NAALADL2: variants seen among roughly 807,000 people sequenced by gnomAD.
NAALADL2 encodes the protein N-acetylated alpha-linked acidic dipeptidase like 2, also known as inactive N-acetylated-alpha-linked acidic dipeptidase-like protein 2.
In NAALADL2, 76 loss-of-function variants were observed where a neutral mutation model predicts 87.2. The observed-to-expected ratio is 0.87, with a 90% CI of 0.72 to 1.05. The LOEUF (loss-of-function observed/expected upper bound fraction) is 1.05. Among genes scored for constraint, NAALADL2 ranks in the 50% least tolerant of loss-of-function variants. The pLI is 0.00. For missense variants in NAALADL2, 1,089 were observed against 945.8 expected (o/e 1.15, Z -1.99); for synonymous variants, 354 against 331.0 (o/e 1.07, Z -0.75).
intron 5 of NAALADL2, among the ~76,000 whole-genome samples, chr3:175,374,156 A>G (rs1414835580): frequency 6.6e-6 from 1 of 152,092 alleles, no homozygotes; most frequent in Non-Finnish European, 1.5e-5. Flanking sequence ...TAAAAGATAA[A>G]TTTATTTATT....
intron 5 of NAALADL2, among the ~76,000 whole-genome samples, chr3:175,371,792 C>T (rs1420518953): frequency 1.3e-5 from 2 of 151,368 alleles, no homozygotes; most frequent in Non-Finnish European, 2.9e-5. Context: ...CCACTGCCCT[C>T]CAGCCTGGAC....
At chr3:174,873,420 A>G (rs1037016166) in intron 1 of NAALADL2, among the ~76,000 whole-genome samples, 37 of 151,832 alleles carry the variant, frequency 2.4e-4, no homozygotes, top group African/African-American at 8.0e-4. Context: ...ATGCCCAGCT[A>G]TGTTTTATAT....
At chr3:175,728,130 G>C (rs1743184037) in intron 11 of NAALADL2, among the ~76,000 whole-genome samples, 1 of 152,006 alleles carries the variant, frequency 6.6e-6, no homozygotes, top group African/African-American at 2.4e-5. Context: ...CATAAATCTT[G>C]CTATAGGTCA....
rs73172526 is a variant in NAALADL2 at position 174,479,477 on chromosome 3, A to C, written c.-184+38445A>C. Among the ~76,000 whole-genome samples the C allele has an allele frequency of 5.9e-3, 902 of 152,218 alleles. 6 individuals are homozygous for C. The highest frequency in any genetic ancestry group is 8.1e-3 in the Admixed American group (124 of 15,256). ...TGAGCTTGAAAGTCAGAATTTGGCCAGGCAGTTTGACTCTATAATCCATAC... is the reference window on the plus strand; with the variant it reads ...TGAGCTTGAAAGTCAGAATTTGGCCCGGCAGTTTGACTCTATAATCCATAC... On this transcript the variant is annotated intron_variant, in intron 1 of 3. Coordinates refer to the NAALADL2 transcript ENST00000434257.
chr3:175,492,366 A>G (rs1437783296), intron 9 of NAALADL2, among the ~76,000 whole-genome samples: 1 of 152,178 alleles, frequency 6.6e-6, no homozygotes, highest in African/African-American at 2.4e-5. Context: ...GAGACAGGAT[A>G]CTTTTCATCT....
intron 3 of NAALADL2, among the ~76,000 whole-genome samples, chr3:174,782,957 A>G (rs1716169592): frequency 6.6e-6 from 1 of 152,120 alleles, no homozygotes; most frequent in South Asian, 2.1e-4. Flanking sequence ...AAGCTAAACT[A>G]AGCAATTTGG....
intron 2 of NAALADL2, among the ~76,000 whole-genome samples, chr3:175,162,594 A>G (rs1281306824): frequency 1.3e-5 from 2 of 152,122 alleles, no homozygotes; most frequent in African/African-American, 4.8e-5. Flanking sequence ...ATGAGCCTAA[A>G]GTTGCACTAC....
intron 1 of NAALADL2, among the ~76,000 whole-genome samples, chr3:174,448,489 G>A (rs997187754): frequency 6.6e-6 from 1 of 152,110 alleles, no homozygotes; most frequent in African/African-American, 2.4e-5. Flanking sequence ...AGATCTTTTT[G>A]TATTTTGAAT....
chr3:175,293,036 CAAA>C (rs568981496), intron 4 of NAALADL2, among the ~76,000 whole-genome samples: 9 of 49,410 alleles, frequency 1.8e-4, no homozygotes, highest in South Asian at 1.8e-3. Flanking sequence ...GACTCCGTCT[CAAA>C]AAAAAAAAAA....
chr3:175,384,626 C>T (rs951615923), intron 5 of NAALADL2, among the ~76,000 whole-genome samples: 2 of 151,800 alleles, frequency 1.3e-5, no homozygotes, highest in African/African-American at 2.4e-5. Context: ...TATCCACACA[C>T]CCATTGCTAA....
intron 2 of NAALADL2, among the ~76,000 whole-genome samples, chr3:175,195,676 T>C (rs983330654): frequency 6.6e-6 from 1 of 151,960 alleles, no homozygotes; most frequent in Non-Finnish European, 1.5e-5. Flanking sequence ...TCTATAGGTC[T>C]GTGCTCAAAG....
intron 9 of NAALADL2, among the ~76,000 whole-genome samples, chr3:175,515,152 A>T (rs1731665899): frequency 6.6e-6 from 1 of 152,224 alleles, no homozygotes; most frequent in Non-Finnish European, 1.5e-5. Flanking sequence ...CAAATCATGT[A>T]AGTTCAATTT....
intron 4 of NAALADL2, among the ~76,000 whole-genome samples, chr3:175,316,050 G>A (rs569737239): frequency 6.6e-6 from 1 of 152,174 alleles, no homozygotes; most frequent in African/African-American, 2.4e-5. Context: ...AGGATCTTTG[G>A]GAACAATATA....
At chr3:174,490,918 G>A (rs1050030414) in intron 1 of NAALADL2, among the ~76,000 whole-genome samples, 3 of 151,910 alleles carry the variant, frequency 2.0e-5, no homozygotes, top group African/African-American at 4.8e-5. Flanking sequence ...AACTTATAAC[G>A]GGGTTTGAAT....
chr3:175,168,158 A>G (rs1351461064), intron 2 of NAALADL2, among the ~76,000 whole-genome samples: 1 of 135,868 alleles, frequency 7.4e-6, no homozygotes, highest in Non-Finnish European at 1.7e-5. Context: ...TATGTAAGTT[A>G]CATTAAAAAA....
intron 4 of NAALADL2, among the ~76,000 whole-genome samples, chr3:175,267,466 C>T (rs557511337): frequency 6.6e-6 from 1 of 152,202 alleles, no homozygotes; most frequent in South Asian, 2.1e-4. Flanking sequence ...CTCCCCAAAC[C>T]TTCTTCAGTT....
intron 1 of NAALADL2, among the ~76,000 whole-genome samples, chr3:175,003,797 A>G (rs554657368): frequency 2.0e-4 from 31 of 152,354 alleles, no homozygotes; most frequent in African/African-American, 7.5e-4. Context: ...ACACTGCAGA[A>G]GAAGTGCCTA....
At chr3:175,589,883 T>C (rs773235753) in intron 10 of NAALADL2, among the ~76,000 whole-genome samples, 108 of 151,590 alleles carry the variant, frequency 7.1e-4, no homozygotes, top group South Asian at 1.5e-3. Context: ...CTGTTTAAAG[T>C]CAGCTTGCCA....
chr3:175,440,702 T>C (rs1326220731), intron 5 of NAALADL2, among the ~76,000 whole-genome samples: 1 of 152,176 alleles, frequency 6.6e-6, no homozygotes, highest in South Asian at 2.1e-4. Context: ...TGTTGGTGTA[T>C]AGCAGGGCTA....
Sources: gnomAD v4.1 joint callset for allele counts (sites outside exome capture counted in the v4.1 genomes callset) on GRCh38, gnomAD v4.1.1 for gene constraint, MANE v1.5 for transcripts, NCBI Gene and HGNC (gene_info 2026-07-23, HGNC 2026-07-21) for gene names.